NAV2: variants seen among roughly 807,000 people sequenced by gnomAD.
NAV2 encodes the protein helicase, APC down-regulated 1.
A neutral mutation model predicts 223.2 loss-of-function variants in NAV2; 54 were observed. That is an observed-to-expected ratio of 0.24 (90% CI 0.19 to 0.30). The LOEUF is 0.30. Among genes scored for constraint, NAV2 ranks in the 10% least tolerant of loss-of-function variants. The probability of loss-of-function intolerance (pLI) is 1.00; values close to 1 mark genes in which losing one functional copy is unlikely to be tolerated. For synonymous variants in NAV2, 1,279 were observed against 1,239.3 expected (o/e 1.03, Z -0.67); for missense variants, 2,806 against 3,147.5 (o/e 0.89, Z 2.60).
chr11:19,544,205 C>T (rs1489860226), intron 1 of NAV2, among the ~76,000 whole-genome samples: 2 of 152,168 alleles, frequency 1.3e-5, no homozygotes, highest in African/African-American at 2.4e-5. Flanking sequence ...TCCATCAAAA[C>T]CGAGTGATTG....
At chr11:20,047,338 T>C (rs558707866) in intron 14 of NAV2, among the ~76,000 whole-genome samples, 19 of 152,336 alleles carry the variant, frequency 1.2e-4, no homozygotes, top group Admixed American at 1.2e-3. Flanking sequence ...CCTAAATCGT[T>C]AAGGTATTCT....
At chr11:19,611,506 G>A (rs1393031889) in intron 1 of NAV2, among the ~76,000 whole-genome samples, 1 of 152,170 alleles carries the variant, frequency 6.6e-6, no homozygotes, top group African/African-American at 2.4e-5. Context: ...TGACTTCCTA[G>A]ATACAATGGG....
chr11:19,589,329 A>G (rs1177919349), intron 1 of NAV2, among the ~76,000 whole-genome samples: 1 of 152,232 alleles, frequency 6.6e-6, no homozygotes, highest in East Asian at 1.9e-4. Flanking sequence ...TTACCAAAGG[A>G]AAAATGGGAC....
Position 20,011,388 on chromosome 11 carries a change from T to C in NAV2, c.2769-24571T>C, listed in dbSNP as rs2053553530. Among the ~76,000 whole-genome samples, 4 of 152,386 alleles carry C rather than the reference T, an allele frequency of 2.6e-5. No homozygotes were observed. In the South Asian group the frequency reaches 8.3e-4, roughly 32 times the overall value. On this transcript the variant is annotated intron_variant, in intron 11 of 37. Transcript: ENST00000349880. The stretch of plus-strand genomic sequence containing the variant: ...AAATCTATCGTTAACACCGTGGTGC[T>C]TTCCAGGTGTTTTTTGTTCATGTAA...
intron 11 of NAV2, among the ~76,000 whole-genome samples, chr11:20,011,372 G>A (rs1439025852): frequency 2.6e-5 from 4 of 152,186 alleles, no homozygotes; most frequent in East Asian, 1.9e-4. Flanking sequence ...GAAATCTATC[G>A]TTAACACCGT....
At chr11:19,610,325 T>TTGAAA (rs1204416775) in intron 1 of NAV2, among the ~76,000 whole-genome samples, 236 of 152,276 alleles carry the variant, frequency 1.5e-3, no homozygotes, top group African/African-American at 5.4e-3. Context: ...GATAATAACC[T>TTGAAA]ATATTTGGAT....
intron 1 of NAV2, among the ~76,000 whole-genome samples, chr11:19,614,490 G>A (rs1226813857): frequency 1.3e-5 from 2 of 152,112 alleles, no homozygotes; most frequent in Non-Finnish European, 2.9e-5. Context: ...GAATTCCCAT[G>A]TAGCCCCTGG....
At chr11:19,377,107 C>A (rs1000596871) in intron 1 of NAV2, among the ~76,000 whole-genome samples, 4 of 152,198 alleles carry the variant, frequency 2.6e-5, no homozygotes, top group South Asian at 2.1e-4. Context: ...TGGCTCCCAG[C>A]AATCTCTGTC....
At chr11:19,940,183 T>G (rs965700713) in intron 8 of NAV2, among the ~76,000 whole-genome samples, 2 of 152,116 alleles carry the variant, frequency 1.3e-5, no homozygotes, top group African/African-American at 4.8e-5. Context: ...AAGCACTGAT[T>G]TAAAATATGT....
chr11:19,560,955 T>C (rs963688340), intron 1 of NAV2, among the ~76,000 whole-genome samples: 54 of 152,356 alleles, frequency 3.5e-4, no homozygotes, highest in African/African-American at 1.3e-3. Flanking sequence ...GAGTTTTAAG[T>C]GCCTGGCTGC....
rs76307147 is a variant in NAV2 at position 19,800,954 on chromosome 11, C to G, written c.268-31530C>G. Among the ~76,000 whole-genome samples the G allele has an allele frequency of 9.1e-3, 1,380 of 152,290 alleles. 16 individuals carry two copies. Among genetic ancestry groups the G allele is most frequent in the Non-Finnish European group, 0.015 (1,026 of 68,016 alleles). On this transcript the variant is annotated intron_variant, in intron 1 of 37. Transcript: ENST00000349880. The stretch of plus-strand genomic sequence containing the variant: ...TCTTACCTCAGGACCCAGATGTATT[C>G]TTTAATTAGTTCCTGATAAGTTTCC...
rs10692495 is a variant in NAV2, at chr11:19,931,609, A to AAAG, written c.932-1567_932-1566insAAG. The stretch of plus-strand genomic sequence containing the variant: ...ACATAGGTATTTAAAAAAAAAAAAA[A>AAAG]GCAGAAGAAGCAGCCGTTAATCCCG... On this transcript the variant is annotated intron_variant, in intron 6 of 37. Coordinates refer to ENST00000349880, the MANE Select transcript of NAV2 (RefSeq NM_145117.5). 8.7e-5 allele frequency among the ~76,000 whole-genome samples: 12 copies of AAAG among 137,326 alleles called. No individual in the cohort carries two copies. The East Asian group carries it at 1.4e-3, about 16-fold the overall frequency. The allele number at this position is 137,326 out of a possible 152,430, so 90.1% of individuals were successfully genotyped here.
In NAV2 at chr11:19,529,427, C is replaced by T. The variant is rs118133508; in HGVS notation, c.75+178400C>T. Among the ~76,000 whole-genome samples the T allele has an allele frequency of 3.8e-4, 57 of 150,898 alleles. No individual in the cohort carries two copies. The East Asian group carries it at 9.4e-3, about 25-fold the overall frequency. On this transcript the variant is annotated intron_variant, in intron 1 of 37. Coordinates refer to the NAV2 transcript ENST00000360655. The stretch of plus-strand genomic sequence containing the variant: ...TGTGTGAAAGGACATGGAAGTGACA[C>T]CTCCTCTGGGAGGCCCCCCAATACC...
intron 1 of NAV2, among the ~76,000 whole-genome samples, chr11:19,831,229 G>GT (rs1281262051): frequency 1.0e-5 from 1 of 100,162 alleles, no homozygotes; most frequent in Non-Finnish European, 2.2e-5. Context: ...GTTGCGGGGG[G>GT]GGGGGGGGCG....
At chr11:19,450,044 T>C (rs1415868465) in intron 1 of NAV2, among the ~76,000 whole-genome samples, 1 of 152,132 alleles carries the variant, frequency 6.6e-6, no homozygotes, top group Non-Finnish European at 1.5e-5. Context: ...GGACCTCATT[T>C]TAAAAAATGA....
At chr11:19,972,590 G>C (rs548473784) in intron 10 of NAV2, among the ~76,000 whole-genome samples, 1 of 152,156 alleles carries the variant, frequency 6.6e-6, no homozygotes, top group African/African-American at 2.4e-5. Flanking sequence ...TGGGTCCTTT[G>C]TGTTTGTACA....
intron 1 of NAV2, among the ~76,000 whole-genome samples, chr11:19,772,852 C>A (rs980506117): frequency 1.3e-5 from 2 of 152,160 alleles, no homozygotes; most frequent in African/African-American, 2.4e-5. Context: ...ATTGCTTTGG[C>A]TGAAAGAGTG....
intron 1 of NAV2, among the ~76,000 whole-genome samples, chr11:19,472,980 C>T (rs948332180): frequency 6.6e-6 from 1 of 152,174 alleles, no homozygotes; most frequent in African/African-American, 2.4e-5. Flanking sequence ...GCACCATTTT[C>T]CAGATGAGAA....
chr11:19,908,623 TGTA>T (rs1333093141), intron 6 of NAV2, among the ~76,000 whole-genome samples: 5 of 152,224 alleles, frequency 3.3e-5, no homozygotes, highest in African/African-American at 1.2e-4. Context: ...GAATTTTTAA[TGTA>T]GTAAATTTTA....
Sources: allele counts gnomAD v4.1 joint callset (sites outside exome capture counted in the v4.1 genomes callset), GRCh38; gene constraint gnomAD v4.1.1; transcripts MANE v1.5; gene names NCBI Gene and HGNC (gene_info 2026-07-23, HGNC 2026-07-21).